Variants in GBF1 observed in about 807,000 individuals in gnomAD.
The protein encoded by GBF1 is Golgi-specific brefeldin A-resistance guanine nucleotide exchange factor 1.
GBF1 carries 114 observed loss-of-function variants against 210.5 expected under a neutral mutation model. The ratio of observed to expected loss-of-function variants is 0.54; its 90% CI spans 0.47 to 0.63. GBF1 has a LOEUF of 0.63. Ranked by LOEUF, GBF1 falls within the 30% of genes least tolerant of loss-of-function variation. GBF1 has a pLI of 0.00. For synonymous variants in GBF1, 850 were observed against 889.2 expected, an observed-to-expected ratio of 0.96 and a Z score of 0.78; for missense variants, 1,851 against 2,357.7, an observed-to-expected ratio of 0.79 and a Z score of 4.45.
chr10:102,257,577 G>A (rs1314312271), intron 1 of GBF1, among the ~76,000 whole-genome samples: 2 of 151,788 alleles, frequency 1.3e-5, no homozygotes, highest in Non-Finnish European at 2.9e-5. Context: ...GATTCCCAAA[G>A]TGCTGGGATT....
Position 102,376,607 on chromosome 10 carries a change from A to G in GBF1, c.4095A>G (p.Pro1365=), listed in dbSNP as rs1589828149. Residue 1365 remains proline, a synonymous_variant, in exon 32 of 40, where the codon CCA becomes CCG. Coordinates refer to ENST00000369983, the MANE Select transcript of GBF1 (RefSeq NM_001377137.1). Reference sequence around the variant, plus strand: ...ACTCCAAGCCAGGGCCCAGCCGCCCAGGCCCTTCACCCCTGATCAATCAAT... The same window carrying G: ...ACTCCAAGCCAGGGCCCAGCCGCCCGGGCCCTTCACCCCTGATCAATCAAT... ...VDNSKPGPSR[P]GPSPLINQYS... The G allele has an allele frequency of 6.2e-7, 1 of 1,613,248 alleles. No individual in the cohort carries two copies.
chr10:102,380,882 C>T (rs550111699), intron 38 of GBF1, among the ~76,000 whole-genome samples, 196 bp downstream of exon 38: 34 of 152,144 alleles, frequency 2.2e-4, no homozygotes, highest in African/African-American at 7.7e-4. Flanking sequence ...GCGGTGGGTG[C>T]CTGTAGTCCC....
intron 4 of GBF1, among the ~76,000 whole-genome samples, chr10:102,345,101 G>C (rs952453569): frequency 1.3e-5 from 2 of 151,708 alleles, no homozygotes; most frequent in Admixed American, 1.3e-4. Flanking sequence ...GGCCAACATG[G>C]TGAAACCCCG....
chr10:102,323,659 G>A (rs1038146581), intron 3 of GBF1, among the ~76,000 whole-genome samples: 1 of 147,288 alleles, frequency 6.8e-6, no homozygotes, highest in African/African-American at 2.5e-5. Context: ...TCCCATCTCT[G>A]CCTCCCTAAG....
intron 27 of GBF1, 55 bp from the exon 28 acceptor site, chr10:102,370,329 G>A: frequency 6.8e-7 from 1 of 1,479,612 alleles, no homozygotes; most frequent in Middle Eastern, 1.7e-4. Flanking sequence ...GTCAGGGCAG[G>A]GCCAGTGGTT....
chr10:102,379,007 G>A (rs1247330404), intron 33 of GBF1, among the ~76,000 whole-genome samples: 1 of 152,190 alleles, frequency 6.6e-6, no homozygotes, highest in East Asian at 1.9e-4. Flanking sequence ...TGAAAAGAAA[G>A]TATCTTTCTC....
Position 102,377,016 on chromosome 10 carries a change from G to A in GBF1, c.4370G>A (p.Gly1457Glu), listed in dbSNP as rs751795997. 5 of 1,614,022 alleles carry A rather than the reference G, an allele frequency of 3.1e-6. No homozygotes were observed. Among genetic ancestry groups the A allele is most frequent in the Non-Finnish European group, 4.2e-6 (5 of 1,180,006 alleles). Residue 1457 changes from glycine (G) to glutamate (E), a missense_variant, in exon 33 of 40, where the codon GGA becomes GAA. Transcript: ENST00000369983. Reference sequence around the variant, plus strand: ...CGCTTCAAGAAGAAATCCAAAGAGGGATCAATGCTTCGCCGGCCTCGAACC... The same window carrying A: ...CGCTTCAAGAAGAAATCCAAAGAGGAATCAATGCTTCGCCGGCCTCGAACC... ...GNRFKKKSKE[G>E]SMLRRPRTSS...
rs757842068 is a variant in GBF1, at chr10:102,367,176, A to G, written c.2525A>G (p.Asn842Ser). The G allele has an allele frequency of 3.3e-5, 53 of 1,613,886 alleles. 1 individual carries two copies. Among genetic ancestry groups the G allele is most frequent in the Non-Finnish European group, 2.5e-5 (30 of 1,179,928 alleles). Residue 842 changes from asparagine to serine, a missense_variant, in exon 20 of 40, where the codon AAT becomes AGT. By Grantham distance (46) the Asn-to-Ser change is conservative. This residue lies in a region of GBF1 where 80 missense variants were observed against 151.4 expected (regional missense o/e 0.53). Coordinates refer to ENST00000369983, the MANE Select transcript of GBF1 (RefSeq NM_001377137.1). Reference sequence around the variant, plus strand: ...CTTAATACTGACCAGCACAACCACAATGTTCGTAAACAGAATGCACCCATG... The same window carrying G: ...CTTAATACTGACCAGCACAACCACAGTGTTCGTAAACAGAATGCACCCATG... ...IMLNTDQHNH[N>S]VRKQNAPMTL... is the part of the protein sequence containing the mutation.
the GBF1 span, chr10:102,231,500 G>A: frequency 4.1e-4 from 353 of 854,158 alleles, no homozygotes; most frequent in Non-Finnish European, 6.0e-4. Flanking sequence ...GAGGGAGGGG[G>A]CAGGTGGGGT....
At chr10:102,361,331 T>C in intron 13 of GBF1, 2 of 572,486 alleles carry the variant, frequency 3.5e-6, no homozygotes, top group East Asian at 5.8e-5. Flanking sequence ...ACCCCAAATA[T>C]GAGAACTGCC....
Position 102,368,767 on chromosome 10 carries a change from G to C in GBF1, c.2908G>C (p.Gly970Arg), listed in dbSNP as rs1565172350. Residue 970 changes from glycine (G) to arginine (R), a missense_variant, in exon 23 of 40, where the codon GGC becomes CGC. Around this residue, in one of 3 missense-constraint regions of GBF1, gnomAD observed 967 missense variants for 1,247.7 expected, o/e 0.78. Coordinates refer to ENST00000369983, the MANE Select transcript of GBF1 (RefSeq NM_001377137.1). ...GTGCGCCATGATCTCCGCCCACTAT[G>C]GCCTCAGCGATGTGTTTGACAATCT... Reference protein sequence around the residue: ...RKCAMISAHYGLSDVFDNLII... With the variant: ...RKCAMISAHYRLSDVFDNLII... 1.9e-6 allele frequency: 3 copies of C among 1,613,384 alleles called. No homozygotes were observed. Among genetic ancestry groups the C allele is most frequent in the Non-Finnish European group, 2.5e-6 (3 of 1,179,360 alleles).
chr10:102,249,423 G>T lies in GBF1; in HGVS notation c.-11+3642G>T, dbSNP rs75256757. On this transcript the variant is annotated intron_variant, in intron 1 of 39. Coordinates refer to ENST00000369983, the MANE Select transcript of GBF1 (RefSeq NM_001377137.1). ...TGAGATACTCTCAGAATCTCCACAG[G>T]GGGAGGAGATGGCATGCTAGAGCTG... 2.1e-4 allele frequency among the ~76,000 whole-genome samples: 32 copies of T among 152,262 alleles called. No homozygotes were observed. The East Asian group carries it at 5.6e-3, about 27-fold the overall frequency.
In GBF1 at chr10:102,264,269, G is replaced by T. The variant is rs150827542; in HGVS notation, c.163+4153G>T. Among the ~76,000 whole-genome samples the T allele has an allele frequency of 2.9e-3, 438 of 152,276 alleles. 1 individual carries two copies. Among genetic ancestry groups the T allele is most frequent in the African/African-American group, 9.7e-3 (404 of 41,562 alleles). The stretch of plus-strand genomic sequence containing the variant: ...GGGAAGTCTCTGTAGTCACTGCTGT[G>T]CTTTGGACCCATTACCCAGCAAAGG... On this transcript the variant is annotated intron_variant, in intron 3 of 39. Coordinates refer to ENST00000369983, the MANE Select transcript of GBF1 (RefSeq NM_001377137.1).
chr10:102,309,265 A>G (rs750337578), intron 3 of GBF1, among the ~76,000 whole-genome samples: 2 of 152,236 alleles, frequency 1.3e-5, no homozygotes, highest in Non-Finnish European at 2.9e-5. Context: ...GTCTCAGAAA[A>G]GTTATTAATT....
chr10:102,301,634 G>C (rs1471800223), intron 3 of GBF1, among the ~76,000 whole-genome samples: 4 of 148,236 alleles, frequency 2.7e-5, no homozygotes, highest in African/African-American at 1.0e-4. Flanking sequence ...ACGGGGTCGC[G>C]GCCGGGCAGA....
intron 3 of GBF1, among the ~76,000 whole-genome samples, chr10:102,333,671 C>T (rs2057503336): frequency 1.3e-5 from 2 of 152,076 alleles, no homozygotes; most frequent in African/African-American, 4.8e-5. Context: ...AAGTGATTCT[C>T]CCACCTCAGC....
chr10:102,321,241 A>G (rs781401690), intron 3 of GBF1, among the ~76,000 whole-genome samples: 10 of 152,216 alleles, frequency 6.6e-5, no homozygotes, highest in Admixed American at 2.0e-4. Context: ...CTACACAGGA[A>G]ACTCCATGAG....
chr10:102,293,494 C>G (rs1375881685), intron 3 of GBF1, among the ~76,000 whole-genome samples: 1 of 152,008 alleles, frequency 6.6e-6, no homozygotes, highest in African/African-American at 2.4e-5. Flanking sequence ...TTAGACAGGT[C>G]TTTCAGGAGG....
chr10:102,366,511 G>C lies in GBF1; in HGVS notation c.2433+5G>C. 1 of 1,603,728 alleles carries C rather than the reference G, an allele frequency of 6.2e-7. No individual in the cohort carries two copies. The highest frequency in any genetic ancestry group is 1.3e-5 in the African/African-American group (1 of 74,580). ...GCATTCACAGAGCGTTGGATGGTGAGTTTGAGTGTCAGGGGCTGAGCCCAG... is the reference window on the plus strand; with the variant it reads ...GCATTCACAGAGCGTTGGATGGTGACTTTGAGTGTCAGGGGCTGAGCCCAG... On this transcript the variant is annotated splice_donor_5th_base_variant and intron_variant, in intron 19 of 39. Transcript: ENST00000369983. The surrounding 1 kb of genome is among the most constrained non-coding windows in gnomAD (Gnocchi z 4.0).
Sources: allele counts gnomAD v4.1 joint callset (sites outside exome capture counted in the v4.1 genomes callset), GRCh38; gene constraint gnomAD v4.1.1; regional missense constraint gnomAD v4.1.1; non-coding constraint Gnocchi (gnomAD v3.1); transcripts MANE v1.5; gene names NCBI Gene and HGNC (gene_info 2026-07-23, HGNC 2026-07-21).